PRKCB: variants seen among roughly 807,000 people sequenced by gnomAD.
PRKCB encodes the protein protein kinase C beta type.
A neutral mutation model predicts 81.5 loss-of-function variants in PRKCB; 13 were observed. The ratio of observed to expected loss-of-function variants is 0.16; its 90% confidence interval spans 0.10 to 0.25. The LOEUF is 0.25. Among genes scored for constraint, PRKCB ranks in the 10% least tolerant of loss-of-function variants. The pLI is 1.00. For missense variants in PRKCB, 509 were observed against 875.7 expected, an observed-to-expected ratio of 0.58 and a Z score of 5.29; for synonymous variants, 335 against 321.4, an observed-to-expected ratio of 1.04 and a Z score of -0.45.
At chr16:23,962,453 G>A (rs1477695736) in intron 2 of PRKCB, among the ~76,000 whole-genome samples, 2 of 152,096 alleles carry the variant, frequency 1.3e-5, no homozygotes, top group African/African-American at 4.8e-5. Context: ...TCTTGGTTTG[G>A]TGAACCCCTG....
intron 3 of PRKCB, among the ~76,000 whole-genome samples, chr16:24,031,026 T>A (rs1463776015): frequency 3.9e-5 from 6 of 152,128 alleles, no homozygotes; most frequent in Non-Finnish European, 7.3e-5. Flanking sequence ...ATTGTGCCAC[T>A]GCACTCCAGC....
chr16:24,185,315 G>A, intron 14 of PRKCB, 124 bp downstream of exon 14: 1 of 1,206,228 alleles, frequency 8.3e-7, no homozygotes, highest in Non-Finnish European at 1.2e-6. Flanking sequence ...TCCCGGCCTT[G>A]GGGTCATACA....
chr16:24,066,613 T>C (rs1966037836), intron 5 of PRKCB, among the ~76,000 whole-genome samples: 1 of 152,284 alleles, frequency 6.6e-6, no homozygotes, highest in African/African-American at 2.4e-5. Flanking sequence ...CTCCAAACTT[T>C]ATTTGGATTT....
intron 3 of PRKCB, among the ~76,000 whole-genome samples, chr16:24,023,905 G>A (rs1400672353): frequency 6.6e-6 from 1 of 152,102 alleles, no homozygotes; most frequent in African/African-American, 2.4e-5. Context: ...TTTGGTCTGT[G>A]GGCAGTCCCT....
intron 2 of PRKCB, among the ~76,000 whole-genome samples, chr16:23,843,202 G>C (rs900120780): frequency 6.6e-6 from 1 of 152,054 alleles, no homozygotes; most frequent in Non-Finnish European, 1.5e-5. Flanking sequence ...TGCACTTCAG[G>C]TTGAATTTTC....
At chr16:23,856,226 C>T (rs117727344) in intron 2 of PRKCB, among the ~76,000 whole-genome samples, 2 of 152,302 alleles carry the variant, frequency 1.3e-5, no homozygotes, top group Non-Finnish European at 2.9e-5. Context: ...ACCAACGATA[C>T]TTTATACCTC....
chr16:23,901,954 T>C (rs1963481280), intron 2 of PRKCB, among the ~76,000 whole-genome samples: 1 of 152,196 alleles, frequency 6.6e-6, no homozygotes, highest in Admixed American at 6.5e-5. Flanking sequence ...TCACTGCTAC[T>C]GGATTGGTAC....
intron 5 of PRKCB, among the ~76,000 whole-genome samples, chr16:24,049,293 CCCT>C: frequency 1.8e-5 from 1 of 54,694 alleles, no homozygotes; most frequent in East Asian, 3.6e-4. Flanking sequence ...TTTACCACTA[CCCT>C]GGCACATCCG....
chr16:24,058,551 T>C (rs1282615425), intron 5 of PRKCB, among the ~76,000 whole-genome samples: 2 of 152,134 alleles, frequency 1.3e-5, no homozygotes, highest in African/African-American at 2.4e-5. Context: ...GTTTGGACCA[T>C]AGATTGTAGC....
Position 24,051,124 on chromosome 16 carries a change from G to A in PRKCB, c.529+15577G>A, listed in dbSNP as rs549322432. On this transcript the variant is annotated intron_variant, in intron 5 of 16. Coordinates refer to ENST00000643927, the MANE Select transcript of PRKCB (RefSeq NM_002738.7). ...GTTCTGCCCTCCTTACTTTTGAAAA[G>A]ATAGTTTATTACTCATAGATGAGGA... Among the ~76,000 whole-genome samples, 7 of 152,304 alleles carry A rather than the reference G, an allele frequency of 4.6e-5. No individual in the cohort carries two copies. In the South Asian group the frequency reaches 1.5e-3, roughly 32 times the overall value.
rs1567301134 is a variant in PRKCB at position 23,882,022 on chromosome 16, CT to C, written c.205+44618del. The stretch of plus-strand genomic sequence containing the variant: ...TCTTTCTTTCTTTCTTTCTTTCTTT[CT>C]TCCTTCCTTCCTTCCTTCCTTCCTT... On this transcript the variant is annotated intron_variant, in intron 2 of 16. Transcript: ENST00000643927. 1.1e-3 allele frequency among the ~76,000 whole-genome samples: 65 copies of C among 57,366 alleles called. 1 individual carries two copies. Among genetic ancestry groups the C allele is most frequent in the Admixed American group, 1.4e-3 (7 of 4,970 alleles). 37.6% of individuals were successfully genotyped at this position (57,366 alleles called of 152,430 possible). A position where few individuals can be genotyped will look rare whatever the true frequency, so the allele number is the denominator to read the frequency against.
chr16:23,924,802 T>A (rs1963874547), intron 2 of PRKCB, among the ~76,000 whole-genome samples: 1 of 152,124 alleles, frequency 6.6e-6, no homozygotes, highest in African/African-American at 2.4e-5. Context: ...GCCATTTCAC[T>A]ATGTATACAT....
At chr16:24,135,588 C>T (rs1966862221) in intron 9 of PRKCB, among the ~76,000 whole-genome samples, 1 of 152,152 alleles carries the variant, frequency 6.6e-6, no homozygotes, top group Non-Finnish European at 1.5e-5. Flanking sequence ...GATGGGATTA[C>T]AGGCTTGAGC....
chr16:24,158,566 G>A (rs1325883018), intron 10 of PRKCB, among the ~76,000 whole-genome samples: 1 of 151,636 alleles, frequency 6.6e-6, no homozygotes, highest in Non-Finnish European at 1.5e-5. Context: ...ATATGTATAT[G>A]TATATGTATA....
At chr16:24,189,928 T>TC (rs1967764558) in intron 15 of PRKCB, among the ~76,000 whole-genome samples, 1 of 152,176 alleles carries the variant, frequency 6.6e-6, no homozygotes, top group Non-Finnish European at 1.5e-5. Context: ...TATGCTTCTT[T>TC]CTTTTTTTTT....
At position 24,177,511 on chromosome 16, in the gene PRKCB, A is replaced by G. The variant is rs552121179; in HGVS notation, c.1394+2931A>G. Among the ~76,000 whole-genome samples, 5 of 152,360 alleles carry G rather than the reference A, an allele frequency of 3.3e-5. No individual in the cohort carries two copies. The East Asian group carries it at 7.7e-4, about 23-fold the overall frequency. On this transcript the variant is annotated intron_variant, in intron 12 of 16. Coordinates refer to ENST00000643927, the MANE Select transcript of PRKCB (RefSeq NM_002738.7). ...AATGAAAATGACAGATACTCATTTC[A>G]CAGCCCACCTGTAGCCAGGGCAGGC...
chr16:24,006,713 G>A (rs752375137), intron 3 of PRKCB, among the ~76,000 whole-genome samples: 2 of 152,122 alleles, frequency 1.3e-5, no homozygotes, highest in African/African-American at 2.4e-5. Flanking sequence ...GAGATTATCT[G>A]GCCGAGCTCA....
intron 16 of PRKCB, chr16:24,203,062 C>T (rs774612331): frequency 6.6e-6 from 1 of 151,892 alleles, no homozygotes; most frequent in Non-Finnish European, 1.5e-5. Flanking sequence ...TCTTTACACA[C>T]ACAAAAATTA....
chr16:24,104,903 A>G (rs1390612880), intron 7 of PRKCB, among the ~76,000 whole-genome samples: 1 of 152,070 alleles, frequency 6.6e-6, no homozygotes, highest in Non-Finnish European at 1.5e-5. Flanking sequence ...GAACACGGGG[A>G]GCCAAGGAAT....
Sources: allele counts gnomAD v4.1 joint callset (sites outside exome capture counted in the v4.1 genomes callset), GRCh38; gene constraint gnomAD v4.1.1; transcripts MANE v1.5; gene names NCBI Gene and HGNC (gene_info 2026-07-23, HGNC 2026-07-21).